The following PREX1 variants were observed in gnomAD, a reference collection of about 807,000 sequenced individuals.
The protein encoded by PREX1 is phosphatidylinositol 3,4,5-trisphosphate-dependent Rac exchanger 1 protein.
A neutral mutation model predicts 198.3 loss-of-function variants in PREX1; 41 were observed. That is an observed-to-expected ratio of 0.21 (90% CI 0.16 to 0.27). The LOEUF (loss-of-function observed/expected upper bound fraction) is 0.27. PREX1 is among the 10% of genes least tolerant of loss of function. The probability of loss-of-function intolerance (pLI) is 1.00; values close to 1 mark genes in which losing one functional copy is unlikely to be tolerated. For synonymous variants in PREX1, 843 were observed against 887.2 expected (o/e 0.95, Z 0.89); for missense variants, 1,620 against 2,200.7 (o/e 0.74, Z 5.28).
intron 26 of PREX1, 76 bp downstream of exon 26, chr20:48,645,775 T>C: frequency 1.3e-6 from 2 of 1,493,086 alleles, no homozygotes; most frequent in Admixed American, 1.9e-5. Flanking sequence ...CTGATTCTGA[T>C]GTTGCCACGG....
At chr20:48,825,159 T>C (rs2090503190) in intron 1 of PREX1, among the ~76,000 whole-genome samples, 2 of 152,082 alleles carry the variant, frequency 1.3e-5, no homozygotes, top group Admixed American at 6.6e-5. Flanking sequence ...GAAAATGCCT[T>C]GGGATGTTTA....
intron 14 of PREX1, among the ~76,000 whole-genome samples, chr20:48,674,031 C>T (rs1455218975): frequency 2.0e-5 from 3 of 152,228 alleles, no homozygotes; most frequent in Non-Finnish European, 4.4e-5. Context: ...GAACCCACGT[C>T]TGTCTGGCTA....
chr20:48,728,332 A>C (rs1433740001), intron 4 of PREX1, among the ~76,000 whole-genome samples: 1 of 152,276 alleles, frequency 6.6e-6, no homozygotes, highest in Non-Finnish European at 1.5e-5. Context: ...TTCATGCCGA[A>C]AGCCTAAGGA....
chr20:48,847,291 G>C, the PREX1 span, among the ~76,000 whole-genome samples: 49 of 150,558 alleles, frequency 3.3e-4, no homozygotes, highest in African/African-American at 9.8e-4. Flanking sequence ...ATGGAGGAGG[G>C]GGCCTTTGAG....
intron 1 of PREX1, among the ~76,000 whole-genome samples, chr20:48,772,275 G>A (rs1336664986): frequency 1.3e-5 from 2 of 152,142 alleles, no homozygotes; most frequent in African/African-American, 4.8e-5. Context: ...AGCAAAACTG[G>A]GGTTCCAGAA....
intron 4 of PREX1, among the ~76,000 whole-genome samples, chr20:48,729,469 C>G (rs934189810): frequency 6.6e-6 from 1 of 152,050 alleles, no homozygotes; most frequent in Non-Finnish European, 1.5e-5. Flanking sequence ...TCTCTGCTGC[C>G]CCCCCAATGC....
At chr20:48,798,412 C>T (rs2090372187) in intron 1 of PREX1, among the ~76,000 whole-genome samples, 1 of 152,204 alleles carries the variant, frequency 6.6e-6, no homozygotes, top group Admixed American at 6.5e-5. Context: ...CATCAGACCA[C>T]TCTTCTGCTC....
intron 29 of PREX1, among the ~76,000 whole-genome samples, chr20:48,641,150 A>G (rs926408612): frequency 1.3e-5 from 2 of 152,148 alleles, no homozygotes; most frequent in Admixed American, 1.3e-4. Context: ...GGAGAACATA[A>G]GAAATTTCAA....
the PREX1 span, among the ~76,000 whole-genome samples, chr20:48,888,006 C>T: frequency 6.6e-6 from 1 of 152,040 alleles, no homozygotes; most frequent in Non-Finnish European, 1.5e-5. Flanking sequence ...TATTTTGGGC[C>T]AAGCACTGTG....
intron 5 of PREX1, among the ~76,000 whole-genome samples, chr20:48,720,432 T>C (rs115040827): frequency 1.2e-3 from 176 of 152,164 alleles, no homozygotes; most frequent in African/African-American, 4.2e-3. Context: ...CACATAACAG[T>C]TGCTCAATAA....
At chr20:48,852,590 T>C in the PREX1 span, among the ~76,000 whole-genome samples, 17 of 152,334 alleles carry the variant, frequency 1.1e-4, no homozygotes, top group African/African-American at 4.1e-4. Flanking sequence ...AGATCTGGGT[T>C]GGAGCCTGTA....
chr20:48,746,062 G>A (rs1046143330), intron 2 of PREX1, among the ~76,000 whole-genome samples: 2 of 152,172 alleles, frequency 1.3e-5, no homozygotes, highest in Non-Finnish European at 2.9e-5. Flanking sequence ...CGCCCAGGCT[G>A]GAGTGTGAAG....
chr20:48,867,046 T>TA, the PREX1 span, among the ~76,000 whole-genome samples: 2,260 of 152,216 alleles, frequency 0.015, 52 homozygotes, highest in African/African-American at 0.049. Flanking sequence ...GTTGAAATTT[T>TA]AAAAAAGGAA....
intron 13 of PREX1, among the ~76,000 whole-genome samples, chr20:48,676,889 C>T (rs570180605): frequency 4.6e-5 from 7 of 152,140 alleles, no homozygotes; most frequent in Non-Finnish European, 1.0e-4. Flanking sequence ...CTATCAGGGC[C>T]GAGCAGCACA....
intron 1 of PREX1, among the ~76,000 whole-genome samples, chr20:48,752,080 GC>G (rs1419314729): frequency 6.6e-6 from 1 of 152,138 alleles, no homozygotes; most frequent in East Asian, 1.9e-4. Flanking sequence ...CATATGCAAA[GC>G]CCCAGCAGTA....
At chr20:48,631,263 C>G (rs1268055382) in intron 35 of PREX1, among the ~76,000 whole-genome samples, 1 of 152,214 alleles carries the variant, frequency 6.6e-6, no homozygotes, top group African/African-American at 2.4e-5. Flanking sequence ...GCCATTGCAG[C>G]ACAAAAGCAG....
At chr20:48,682,893 A>G (rs1230620085) in intron 10 of PREX1, among the ~76,000 whole-genome samples, 1 of 152,210 alleles carries the variant, frequency 6.6e-6, no homozygotes, top group African/African-American at 2.4e-5. Flanking sequence ...CCCGCCTCCA[A>G]TTACAGGGCC....
intron 5 of PREX1, among the ~76,000 whole-genome samples, chr20:48,717,532 G>A (rs1044856256): frequency 6.7e-6 from 1 of 150,092 alleles, no homozygotes; most frequent in African/African-American, 2.5e-5. Context: ...AACAAGAAGC[G>A]AAAAACATCT....
At chr20:48,745,249 C>T (rs2090102494) in intron 2 of PREX1, 102 bp from the exon 3 acceptor site, 1 of 1,288,392 alleles carries the variant, frequency 7.8e-7, no homozygotes, top group Non-Finnish European at 1.1e-6. Flanking sequence ...ACATTGTAGT[C>T]AAAGAAGAAC....
Sources: gnomAD v4.1 joint callset for allele counts (sites outside exome capture counted in the v4.1 genomes callset) on GRCh38, gnomAD v4.1.1 for gene constraint, MANE v1.5 for transcripts, NCBI Gene and HGNC (gene_info 2026-07-23, HGNC 2026-07-21) for gene names.